The following SIDT2 variants were observed in gnomAD, a reference collection of about 807,000 sequenced individuals.
The protein encoded by SIDT2 is SID1 transmembrane family, member 2.
SIDT2 carries 68 observed loss-of-function variants against 114.4 expected under a neutral mutation model. The observed-to-expected ratio is 0.59, with a 90% CI of 0.49 to 0.73. SIDT2 has a LOEUF of 0.73. Ranked by LOEUF, SIDT2 falls within the 30% of genes least tolerant of loss-of-function variation. The pLI, the probability that SIDT2 is intolerant of heterozygous loss-of-function variation, is 0.00. For synonymous variants in SIDT2, 470 were observed against 438.4 expected (o/e 1.07, Z -0.90); for missense variants, 918 against 1,097.1 (o/e 0.84, Z 2.31).
At chr11:117,183,914 G>A (rs2030396573) in intron 7 of SIDT2, 36 bp downstream of exon 7, 1 of 1,563,798 alleles carries the variant, frequency 6.4e-7, no homozygotes, top group Non-Finnish European at 8.8e-7. Context: ...TAGGGATGGG[G>A]AGGTCTTGGT....
Position 117,190,152 on chromosome 11 carries a change from G to C in SIDT2, c.1494-14G>C, listed in dbSNP as rs2030646551. The C allele has an allele frequency of 6.3e-7, 1 of 1,595,030 alleles. No individual in the cohort carries two copies. The highest frequency in any genetic ancestry group is 1.3e-5 in the African/African-American group (1 of 74,506). On this transcript the variant is annotated splice_polypyrimidine_tract_variant and intron_variant, in intron 16 of 25. Coordinates refer to ENST00000324225, the MANE Select transcript of SIDT2 (RefSeq NM_001040455.2). The surrounding 1 kb of genome is among the most constrained non-coding windows in gnomAD (Gnocchi z 4.1). ...GTGAGTCCCAAGCAGTCTGCCTTGT[G>C]TTGCCCCTTCTAGCGCCTTCAACAA... is the stretch of plus-strand genomic sequence containing the variant.
In SIDT2 at chr11:117,196,273, C is replaced by G. The variant is rs2030894320; in HGVS notation, c.*207C>G. The G allele has an allele frequency of 1.5e-6, 1 of 648,132 alleles. No homozygotes were observed. 40.1% of individuals were successfully genotyped at this position (648,132 alleles called of 1,614,324 possible). A position where few individuals can be genotyped will look rare whatever the true frequency, so the allele number is the denominator to read the frequency against. Reference sequence around the variant, plus strand: ...CAGCTGCCCTCTGCCGAGGAGCAGGCCTGCTCCCCTGGAACCCCCAGATGT... The same window carrying G: ...CAGCTGCCCTCTGCCGAGGAGCAGGGCTGCTCCCCTGGAACCCCCAGATGT... On this transcript the variant is annotated 3_prime_UTR_variant, in exon 26 of 26. Transcript: ENST00000324225. The surrounding 1 kb of genome is among the most constrained non-coding windows in gnomAD (Gnocchi z 4.9).
chr11:117,182,944 T>C (rs570333855), intron 6 of SIDT2, 138 bp downstream of exon 6: 1 of 895,548 alleles, frequency 1.1e-6, no homozygotes, highest in Admixed American at 2.7e-5. Flanking sequence ...CCTGTGACTT[T>C]GAGTCCCCTG....
rs2030477703 is a variant in SIDT2 at position 117,185,924 on chromosome 11, C to T, written c.869-206C>T. On this transcript the variant is annotated intron_variant, in intron 8 of 25. Transcript: ENST00000324225. ...GAAGAGAAAGTTCTAGCCCAGGGAG[C>T]AACATGAGCAAAAATAGGAGTGTGT... 4 of 429,628 alleles carry T rather than the reference C, an allele frequency of 9.3e-6. No homozygotes were observed. In the East Asian group the frequency reaches 1.7e-4, roughly 18 times the overall value. 26.6% of individuals were successfully genotyped at this position (429,628 alleles called of 1,614,324 possible).
chr11:117,190,363 T>C lies in SIDT2; in HGVS notation c.1617+74T>C. 2 of 1,514,190 alleles carry C rather than the reference T, an allele frequency of 1.3e-6. No individual in the cohort carries two copies. The allele number at this position is 1,514,190 out of a possible 1,614,324, so 93.8% of individuals were successfully genotyped here. A position where few individuals can be genotyped will look rare whatever the true frequency, so the allele number is the denominator to read the frequency against. ...CTCAAGCCTTGGCTCCAGGACACCC[T>C]TTTGGGCAGGCCTGGCCCTGCCTTC... On this transcript the variant is annotated intron_variant, in intron 17 of 25. Transcript: ENST00000324225. This position sits in a 1 kb window ranked among gnomAD's most constrained non-coding sequence, Gnocchi z 4.1.
Position 117,190,860 on chromosome 11 carries a change from G to C in SIDT2, c.1735+120G>C. On this transcript the variant is annotated intron_variant, in intron 18 of 25. Transcript: ENST00000324225. This position sits in a 1 kb window ranked among gnomAD's most constrained non-coding sequence, Gnocchi z 4.1. ...CACCCCTGTAGGAAACTCCAAGGCT[G>C]GCGTGCCTGGGTGTGCACACATCCT... is the stretch of plus-strand genomic sequence containing the variant. 1.3e-6 allele frequency: 1 copy of C among 746,232 alleles called. No individual in the cohort carries two copies. Among genetic ancestry groups the C allele is most frequent in the Non-Finnish European group, 2.3e-6 (1 of 427,558 alleles). The allele number at this position is 746,232 out of a possible 1,614,324, so 46.2% of individuals were successfully genotyped here. A position where few individuals can be genotyped will look rare whatever the true frequency, so the allele number is the denominator to read the frequency against.
At position 117,179,455 on chromosome 11, in the gene SIDT2, TG is replaced by T; in HGVS notation, c.183+14del. On this transcript the variant is annotated intron_variant, in intron 1 of 25. Coordinates refer to ENST00000324225, the MANE Select transcript of SIDT2 (RefSeq NM_001040455.2). ...CTGTGACCCGCAACAGGGTGAGGGC[TG>T]GGGGCTTAGGGGCCAGAGGCGAGTG... 1.2e-6 allele frequency: 2 copies of T among 1,610,160 alleles called. No individual in the cohort carries two copies.
intron 2 of SIDT2, 76 bp from the exon 3 acceptor site, chr11:117,181,731 G>A (rs2030293247): frequency 1.2e-6 from 2 of 1,601,614 alleles, no homozygotes; most frequent in African/African-American, 1.3e-5. Flanking sequence ...ACGGGGCGAG[G>A]TGGGGCCTCG....
chr11:117,182,022 C>T (rs1411106444), intron 3 of SIDT2, 38 bp from the exon 4 acceptor site: 3 of 1,613,900 alleles, frequency 1.9e-6, no homozygotes, highest in East Asian at 2.2e-5. Context: ...TCCCCAGGCT[C>T]CGGGGGTGAC....
In SIDT2 at chr11:117,192,058, G is replaced by C. The variant is rs776866666; in HGVS notation, c.1872+44G>C. 6 of 1,611,000 alleles carry C rather than the reference G, an allele frequency of 3.7e-6. No individual in the cohort carries two copies. Among genetic ancestry groups the C allele is most frequent in the Non-Finnish European group, 5.1e-6 (6 of 1,178,170 alleles). On this transcript the variant is annotated intron_variant, in intron 19 of 25. Coordinates refer to ENST00000324225, the MANE Select transcript of SIDT2 (RefSeq NM_001040455.2). This position sits in a 1 kb window ranked among gnomAD's most constrained non-coding sequence, Gnocchi z 5.9. ...CTGCTCAGCCTGTATGATAGGAAAG[G>C]TGCACGTGCGTTCAGACACGTAGTG...
In SIDT2 at chr11:117,192,711, G is replaced by C. The variant is rs536465203; in HGVS notation, c.2058+61G>C. On this transcript the variant is annotated intron_variant, in intron 21 of 25. Transcript: ENST00000324225. The surrounding 1 kb of genome is among the most constrained non-coding windows in gnomAD (Gnocchi z 5.9). ...CTCCTTTCTTCCCTCTGATGGGGGA[G>C]TGGGGCTGGGCTGAGGACCCAGGGG... 1.2e-6 allele frequency: 2 copies of C among 1,612,230 alleles called. No homozygotes were observed. The highest frequency in any genetic ancestry group is 1.7e-6 in the Non-Finnish European group (2 of 1,179,004).
Position 117,183,837 on chromosome 11 carries a change from A to G in SIDT2, c.761A>G (p.Gln254Arg). 1 of 1,614,114 alleles carries G rather than the reference A, an allele frequency of 6.2e-7. No individual in the cohort carries two copies. The highest frequency in any genetic ancestry group is 8.5e-7 in the Non-Finnish European group (1 of 1,179,988). ...GTGGTGGTGGTGAAGACCGAAGACC[A>G]AGCCTGCGGGGGCTCCCTGCCTTTC... ...YVVVVVKTED[Q>R]ACGGSLPFYP... Residue 254 changes from glutamine (Q) to arginine (R), a missense_variant, in exon 7 of 26, where the codon CAA becomes CGA. By Grantham distance (43) the Gln-to-Arg change is conservative. Transcript: ENST00000324225.
In SIDT2 at chr11:117,188,039, T is replaced by A; in HGVS notation, c.1159+340T>A. 1.8e-6 allele frequency: 1 copy of A among 541,008 alleles called. No individual in the cohort carries two copies. Among genetic ancestry groups the A allele is most frequent in the Non-Finnish European group, 3.5e-6 (1 of 282,054 alleles). 33.5% of individuals were successfully genotyped at this position (541,008 alleles called of 1,614,324 possible). On this transcript the variant is annotated intron_variant, in intron 12 of 25. Coordinates refer to ENST00000324225, the MANE Select transcript of SIDT2 (RefSeq NM_001040455.2). The surrounding 1 kb of genome is among the most constrained non-coding windows in gnomAD (Gnocchi z 4.0). Reference sequence around the variant, plus strand: ...CTGCCGGCTGTGGGGCCAGAAAGATTCTATGTGCATGGCTTCCCCATGTAA... The same window carrying A: ...CTGCCGGCTGTGGGGCCAGAAAGATACTATGTGCATGGCTTCCCCATGTAA...
Position 117,182,041 on chromosome 11 carries a change from G to A in SIDT2, c.471-19G>A. ...CAGGCTCCGGGGGTGACTGGTGGGG[G>A]CTCTTCTCTGCCCTGCAGGACTGGG... On this transcript the variant is annotated intron_variant, in intron 3 of 25. Coordinates refer to ENST00000324225, the MANE Select transcript of SIDT2 (RefSeq NM_001040455.2). 4 of 1,614,028 alleles carry A rather than the reference G, an allele frequency of 2.5e-6. No homozygotes were observed. The Admixed American group carries it at 5.0e-5, about 20-fold the overall frequency.
Position 117,196,288 on chromosome 11 carries a change from C to T in SIDT2, c.*222C>T. 1.6e-6 allele frequency: 1 copy of T among 613,774 alleles called. No individual in the cohort carries two copies. Among genetic ancestry groups the T allele is most frequent in the South Asian group, 2.0e-5 (1 of 49,812 alleles). 38.0% of individuals were successfully genotyped at this position (613,774 alleles called of 1,614,324 possible). A position where few individuals can be genotyped will look rare whatever the true frequency, so the allele number is the denominator to read the frequency against. On this transcript the variant is annotated 3_prime_UTR_variant, in exon 26 of 26. Coordinates refer to ENST00000324225, the MANE Select transcript of SIDT2 (RefSeq NM_001040455.2). This position sits in a 1 kb window ranked among gnomAD's most constrained non-coding sequence, Gnocchi z 4.9. Reference sequence around the variant, plus strand: ...GAGGAGCAGGCCTGCTCCCCTGGAACCCCCAGATGTTGGCCAAATTGCTGC... The same window carrying T: ...GAGGAGCAGGCCTGCTCCCCTGGAATCCCCAGATGTTGGCCAAATTGCTGC...
At chr11:117,182,414 C>T (rs2030324933) in intron 4 of SIDT2, 105 bp from the exon 5 acceptor site, 2 of 1,038,966 alleles carry the variant, frequency 1.9e-6, no homozygotes, top group Non-Finnish European at 3.0e-6. Context: ...CTGCCCACCC[C>T]TCAGAGGATT....
chr11:117,189,414 G>A lies in SIDT2; in HGVS notation c.1419+13G>A. 3 of 1,613,440 alleles carry A rather than the reference G, an allele frequency of 1.9e-6. No individual in the cohort carries two copies. Among genetic ancestry groups the A allele is most frequent in the Non-Finnish European group, 2.5e-6 (3 of 1,179,726 alleles). On this transcript the variant is annotated intron_variant, in intron 15 of 25. Coordinates refer to ENST00000324225, the MANE Select transcript of SIDT2 (RefSeq NM_001040455.2). Reference sequence around the variant, plus strand: ...CACCTACCAGACGGTGAGAGGGCAGGGCAGGTTCACCTTTCCGACAGCCTA... The same window carrying A: ...CACCTACCAGACGGTGAGAGGGCAGAGCAGGTTCACCTTTCCGACAGCCTA...
In SIDT2 at chr11:117,179,228, C is replaced by T. The variant is rs1296716615; in HGVS notation, c.-36C>T. The T allele has an allele frequency of 6.3e-7, 1 of 1,593,760 alleles. No individual in the cohort carries two copies. The highest frequency in any genetic ancestry group is 1.8e-5 in the Admixed American group (1 of 56,120). On this transcript the variant is annotated 5_prime_UTR_variant, in exon 1 of 26. Coordinates refer to ENST00000324225, the MANE Select transcript of SIDT2 (RefSeq NM_001040455.2). Reference sequence around the variant, plus strand: ...TCCTGTCTCCTGTCGCCGCCGCCGCCGCCACCACCGCTGCCACTGCCGCCC... The same window carrying T: ...TCCTGTCTCCTGTCGCCGCCGCCGCTGCCACCACCGCTGCCACTGCCGCCC...
chr11:117,190,681 T>C lies in SIDT2; in HGVS notation c.1676T>C (p.Met559Thr), dbSNP rs2030667655. 6.2e-7 allele frequency: 1 copy of C among 1,613,100 alleles called. No homozygotes were observed. Among genetic ancestry groups the C allele is most frequent in the Non-Finnish European group, 8.5e-7 (1 of 1,179,606 alleles). The change falls in exon 18 of 26, where the codon ATG becomes ACG. Residue 559 changes from methionine (M) to threonine (T), a missense_variant. By Grantham distance (81) the Met-to-Thr change is moderately conservative. This residue lies in a region of SIDT2 where 275 missense variants were observed against 397.6 expected (regional missense o/e 0.69). Transcript: ENST00000324225. The surrounding 1 kb of genome is among the most constrained non-coding windows in gnomAD (Gnocchi z 4.1). ...TACGCCATGGGCACAGCCCTGATGA[T>C]GGAGGGGCTGCTCAGTGCTTGCTAT... ...LFYAMGTALM[M>T]EGLLSACYHV...
Sources: allele counts gnomAD v4.1 joint callset, GRCh38; gene constraint gnomAD v4.1.1; regional missense constraint gnomAD v4.1.1; non-coding constraint Gnocchi (gnomAD v3.1); transcripts MANE v1.5; gene names NCBI Gene and HGNC (gene_info 2026-07-23, HGNC 2026-07-21).